CDH18: variants seen among roughly 807,000 people sequenced by gnomAD.
The protein encoded by CDH18 is cadherin 18, also known as cadherin-18.
A neutral mutation model predicts 67.9 loss-of-function variants in CDH18; 31 were observed. The ratio of observed to expected loss-of-function variants is 0.46; its 90% CI spans 0.34 to 0.62. The LOEUF is 0.62. Ranked by LOEUF, CDH18 falls within the 20% of genes least tolerant of loss-of-function variation. The probability of loss-of-function intolerance (pLI) is 0.01; values close to 1 mark genes in which losing one functional copy is unlikely to be tolerated. For missense variants in CDH18, 890 were observed against 975.5 expected, an observed-to-expected ratio of 0.91 and a Z score of 1.17; for synonymous variants, 362 against 347.2, an observed-to-expected ratio of 1.04 and a Z score of -0.48.
intron 2 of CDH18, among the ~76,000 whole-genome samples, chr5:20,123,823 C>A (rs1016306090): frequency 7.0e-6 from 1 of 143,686 alleles, no homozygotes; most frequent in African/African-American, 2.6e-5. Flanking sequence ...GGAGGCGGAG[C>A]TTGCAGTGAG....
intron 1 of CDH18, among the ~76,000 whole-genome samples, chr5:20,520,313 G>A (rs1210631423): frequency 6.6e-6 from 1 of 152,092 alleles, no homozygotes; most frequent in African/African-American, 2.4e-5. Context: ...GAGAAAGGGA[G>A]GTTCTTCTGC....
intron 2 of CDH18, among the ~76,000 whole-genome samples, chr5:19,933,158 A>G (rs1579664775): frequency 6.6e-6 from 1 of 151,602 alleles, no homozygotes; most frequent in East Asian, 1.9e-4. Context: ...TTCTAGGTTG[A>G]TGATCATATT....
At chr5:20,499,467 G>C (rs541936786) in intron 1 of CDH18, among the ~76,000 whole-genome samples, 4 of 152,100 alleles carry the variant, frequency 2.6e-5, no homozygotes, top group African/African-American at 9.6e-5. Flanking sequence ...CAGATACAGA[G>C]GGCTGACTGC....
At chr5:20,287,936 C>T (rs1324410678) in intron 1 of CDH18, among the ~76,000 whole-genome samples, 1 of 151,826 alleles carries the variant, frequency 6.6e-6, no homozygotes, top group Non-Finnish European at 1.5e-5. Flanking sequence ...GTTCAAGCAG[C>T]TGAAGCCCTC....
At chr5:20,361,422 C>A (rs1742077809) in intron 1 of CDH18, among the ~76,000 whole-genome samples, 2 of 152,080 alleles carry the variant, frequency 1.3e-5, no homozygotes. Context: ...AATTTAATGT[C>A]TTCAATTGGA....
chr5:19,975,311 A>G (rs945633308), intron 2 of CDH18, among the ~76,000 whole-genome samples: 38 of 152,146 alleles, frequency 2.5e-4, no homozygotes, highest in African/African-American at 7.2e-4. Flanking sequence ...AAAATAATAT[A>G]CTTTTATGTG....
At chr5:19,721,952 CCATT>C (rs1312214030) in intron 4 of CDH18, among the ~76,000 whole-genome samples, 2 of 152,162 alleles carry the variant, frequency 1.3e-5, no homozygotes, top group African/African-American at 2.4e-5. Flanking sequence ...TCACAACACT[CCATT>C]CAAGTCATTT....
At chr5:19,700,348 G>A (rs190736143) in intron 5 of CDH18, among the ~76,000 whole-genome samples, 8 of 152,010 alleles carry the variant, frequency 5.3e-5, no homozygotes, top group Admixed American at 2.6e-4. Context: ...AAATCATAAC[G>A]TTACAATCTT....
chr5:19,594,738 T>C (rs1003338589), intron 6 of CDH18, among the ~76,000 whole-genome samples: 17 of 152,212 alleles, frequency 1.1e-4, no homozygotes, highest in African/African-American at 4.1e-4. Context: ...TTGCTCTCCC[T>C]GTAAAAAAAT....
At chr5:19,961,919 T>A (rs988744256) in intron 2 of CDH18, among the ~76,000 whole-genome samples, 4 of 152,052 alleles carry the variant, frequency 2.6e-5, no homozygotes, top group East Asian at 3.9e-4. Flanking sequence ...AAGTTTGTAT[T>A]TTTTAAACCA....
At chr5:20,495,259 T>C (rs890053437) in intron 1 of CDH18, among the ~76,000 whole-genome samples, 1 of 152,130 alleles carries the variant, frequency 6.6e-6, no homozygotes, top group Non-Finnish European at 1.5e-5. Flanking sequence ...GTTTCTCTTC[T>C]CTCTTATACT....
chr5:19,983,033 G>GAAAAAAAAAAAAAAAAAAACAAAAAAAAA (rs58434622), intron 1 of CDH18, among the ~76,000 whole-genome samples: 1 of 100,370 alleles, frequency 1.0e-5, no homozygotes. Flanking sequence ...ACTCCATCTC[G>GAAAAAAAAAAAAAAAAAAACAAAAAAAAA]AAAAAAAAAA....
intron 2 of CDH18, among the ~76,000 whole-genome samples, chr5:20,097,819 A>AT (rs1450660522): frequency 6.6e-6 from 1 of 152,044 alleles, no homozygotes; most frequent in Admixed American, 6.6e-5. Context: ...ATTTAAGGTT[A>AT]TTTTTTATGA....
intron 1 of CDH18, among the ~76,000 whole-genome samples, chr5:20,332,634 C>T (rs1020797313): frequency 6.6e-6 from 1 of 152,040 alleles, no homozygotes; most frequent in South Asian, 2.1e-4. Context: ...GAGTTGAGTA[C>T]CTAAAACATA....
At chr5:20,413,573 C>A (rs578018276) in intron 1 of CDH18, among the ~76,000 whole-genome samples, 1 of 152,306 alleles carries the variant, frequency 6.6e-6, no homozygotes, top group East Asian at 1.9e-4. Context: ...TGATGATGAG[C>A]ATTTTTTCAT....
At chr5:19,728,444 A>G (rs1561164194) in intron 4 of CDH18, among the ~76,000 whole-genome samples, 1 of 152,190 alleles carries the variant, frequency 6.6e-6, no homozygotes, top group Non-Finnish European at 1.5e-5. Flanking sequence ...ATTTAAGTAC[A>G]TGAGAATGCC....
intron 5 of CDH18, among the ~76,000 whole-genome samples, chr5:19,715,132 T>C: frequency 6.6e-6 from 1 of 152,154 alleles, no homozygotes; most frequent in African/African-American, 2.4e-5. Flanking sequence ...AGATGCTTTA[T>C]ATAGTTTCTT....
intron 5 of CDH18, among the ~76,000 whole-genome samples, chr5:19,658,667 TA>T (rs1191631672): frequency 1.3e-5 from 2 of 152,038 alleles, no homozygotes; most frequent in South Asian, 2.1e-4. Flanking sequence ...TTTTTTTTTT[TA>T]AATTATAAAT....
intron 11 of CDH18, among the ~76,000 whole-genome samples, chr5:19,490,285 G>A (rs1016985877): frequency 6.8e-6 from 1 of 147,408 alleles, no homozygotes; most frequent in Non-Finnish European, 1.5e-5. Flanking sequence ...AGTAAGGAAA[G>A]AATTAAAGCA....
Sources: gnomAD v4.1 joint callset for allele counts (sites outside exome capture counted in the v4.1 genomes callset) on GRCh38, gnomAD v4.1.1 for gene constraint, MANE v1.5 for transcripts, NCBI Gene and HGNC (gene_info 2026-07-23, HGNC 2026-07-21) for gene names.